Variants in BCAS1 observed in about 807,000 individuals in gnomAD.
BCAS1 encodes brain enriched myelin associated protein 1.
A neutral mutation model predicts 65.4 loss-of-function variants in BCAS1; 46 were observed. The ratio of observed to expected loss-of-function variants is 0.70; its 90% CI spans 0.55 to 0.90. The LOEUF is 0.90. Among genes scored for constraint, BCAS1 ranks in the 40% least tolerant of loss-of-function variants. BCAS1 has a pLI of 0.00. For synonymous variants in BCAS1, 298 were observed against 293.5 expected (o/e 1.02, Z -0.16); for missense variants, 793 against 771.2 (o/e 1.03, Z -0.33).
At chr20:54,012,429 G>T (rs955199417) in intron 4 of BCAS1, among the ~76,000 whole-genome samples, 1 of 149,298 alleles carries the variant, frequency 6.7e-6, no homozygotes, top group African/African-American at 2.5e-5. Context: ...ATTTCTTACA[G>T]CTGCATGTGA....
At chr20:54,026,363 C>T (rs1202594038) in intron 4 of BCAS1, among the ~76,000 whole-genome samples, 1 of 152,198 alleles carries the variant, frequency 6.6e-6, no homozygotes, top group African/African-American at 2.4e-5. Flanking sequence ...GTTAATAAAT[C>T]ACAACTCCAA....
chr20:53,959,957 C>T (rs6013850), intron 10 of BCAS1, among the ~76,000 whole-genome samples: 1 of 152,182 alleles, frequency 6.6e-6, no homozygotes, highest in Admixed American at 6.5e-5. Context: ...CTCTGTCAGC[C>T]TTCCCATCAC....
chr20:54,036,027 G>C (rs2091893983), intron 3 of BCAS1, among the ~76,000 whole-genome samples: 1 of 151,176 alleles, frequency 6.6e-6, no homozygotes, highest in Admixed American at 6.6e-5. Context: ...CACACAGGGG[G>C]AACAACACAC....
intron 11 of BCAS1, 68 bp from the exon 12 acceptor site, chr20:53,953,763 A>C (rs1439769577): frequency 6.6e-7 from 1 of 1,516,978 alleles, no homozygotes; most frequent in East Asian, 2.3e-5. Flanking sequence ...AAGGGAATAA[A>C]TATGTTAAAA....
intron 3 of BCAS1, among the ~76,000 whole-genome samples, chr20:54,036,410 G>C (rs928929170): frequency 2.0e-5 from 3 of 151,352 alleles, no homozygotes; most frequent in Non-Finnish European, 4.4e-5. Context: ...AATATTTTGT[G>C]CTGCATGTTT....
At chr20:54,050,706 C>T (rs772087499) in intron 3 of BCAS1, among the ~76,000 whole-genome samples, 14 of 152,196 alleles carry the variant, frequency 9.2e-5, no homozygotes, top group Admixed American at 6.5e-4. Context: ...TTGCCCTGGC[C>T]GTCCACGCTC....
At chr20:54,026,506 C>T (rs158548) in intron 4 of BCAS1, among the ~76,000 whole-genome samples, 89,993 of 152,026 alleles carry the variant, frequency 0.59, 26,794 homozygotes, top group South Asian at 0.62. Flanking sequence ...GATGAGTCAC[C>T]GGACACCTGT....
intron 12 of BCAS1, among the ~76,000 whole-genome samples, chr20:53,951,845 C>T (rs546177266): frequency 6.6e-6 from 1 of 152,310 alleles, no homozygotes; most frequent in South Asian, 2.1e-4. Context: ...TTGAAGACTG[C>T]ACTACACCCA....
intron 4 of BCAS1, among the ~76,000 whole-genome samples, chr20:54,016,519 C>T (rs796535559): frequency 3.9e-5 from 6 of 152,298 alleles, no homozygotes; most frequent in African/African-American, 1.2e-4. Flanking sequence ...ACTATAGTCA[C>T]CCTCCTGACC....
At chr20:54,031,779 T>C (rs973926683) in intron 3 of BCAS1, among the ~76,000 whole-genome samples, 1 of 151,218 alleles carries the variant, frequency 6.6e-6, no homozygotes, top group Admixed American at 6.6e-5. Context: ...CTCAGTGACT[T>C]TGAGAGAATT....
At chr20:53,966,238 C>T (rs1251474749) in intron 10 of BCAS1, among the ~76,000 whole-genome samples, 1 of 152,200 alleles carries the variant, frequency 6.6e-6, no homozygotes. Context: ...AAGTGCCCAT[C>T]AACCAATGAG....
chr20:54,034,383 C>A (rs1336085261), intron 3 of BCAS1, among the ~76,000 whole-genome samples: 1 of 151,164 alleles, frequency 6.6e-6, no homozygotes, highest in Non-Finnish European at 1.5e-5. Context: ...TCTAGAAAAC[C>A]CCATAGTCTC....
intron 12 of BCAS1, among the ~76,000 whole-genome samples, chr20:53,945,554 AC>A (rs1417157664): frequency 6.6e-6 from 1 of 151,220 alleles, no homozygotes; most frequent in African/African-American, 2.4e-5. Flanking sequence ...CCTTCCCCCA[AC>A]CCCCCATCCC....
chr20:54,031,051 A>G (rs2091789323), intron 3 of BCAS1, among the ~76,000 whole-genome samples: 2 of 151,338 alleles, frequency 1.3e-5, no homozygotes, highest in Admixed American at 1.3e-4. Context: ...AAATGCTAAG[A>G]TTCAAAACAG....
At chr20:54,001,916 C>T (rs958030591) in intron 4 of BCAS1, among the ~76,000 whole-genome samples, 6 of 152,120 alleles carry the variant, frequency 3.9e-5, no homozygotes, top group African/African-American at 1.4e-4. Flanking sequence ...AATATTTTCT[C>T]GCTAATGAGG....
At chr20:54,037,534 G>T (rs944781686) in intron 3 of BCAS1, among the ~76,000 whole-genome samples, 2 of 151,514 alleles carry the variant, frequency 1.3e-5, no homozygotes, top group African/African-American at 2.4e-5. Flanking sequence ...ATAAATGTGT[G>T]TAACAAGAGG....
At chr20:53,957,666 C>G (rs917646051) in intron 10 of BCAS1, among the ~76,000 whole-genome samples, 169 bp from the exon 11 acceptor site, 1 of 152,204 alleles carries the variant, frequency 6.6e-6, no homozygotes, top group Non-Finnish European at 1.5e-5. Flanking sequence ...GATTTCCATG[C>G]AATTTCTAAC....
Position 54,028,957 on chromosome 20 carries a change from C to T in BCAS1, c.158G>A (p.Ser53Asn), listed in dbSNP as rs371937753. Residue 53 changes from serine (S) to asparagine (N), a missense_variant, in exon 4 of 13, where the codon AGT becomes AAT. Coordinates refer to ENST00000688948, the MANE Select transcript of BCAS1 (RefSeq NM_001366298.2). The part of the protein sequence containing the change: ...QHLEEVDLGI[S>N]VKTDNVATSS... Reference sequence around the variant, plus strand: ...AGTGGCCACATTATCCGTCTTGACACTTATTCCCAAGTCGACTGTAAACAC... The same window carrying T: ...AGTGGCCACATTATCCGTCTTGACATTTATTCCCAAGTCGACTGTAAACAC... The T allele has an allele frequency of 1.9e-6, 3 of 1,608,780 alleles. No individual in the cohort carries two copies. Among genetic ancestry groups the T allele is most frequent in the African/African-American group, 1.3e-5 (1 of 74,620 alleles).
At chr20:54,049,263 A>C (rs926056144) in intron 3 of BCAS1, among the ~76,000 whole-genome samples, 3 of 152,210 alleles carry the variant, frequency 2.0e-5, no homozygotes, top group African/African-American at 7.2e-5. Context: ...AATGACTAGG[A>C]GCAAAAAAGG....
Sources: gnomAD v4.1 joint callset for allele counts (sites outside exome capture counted in the v4.1 genomes callset) on GRCh38, gnomAD v4.1.1 for gene constraint, MANE v1.5 for transcripts, NCBI Gene and HGNC (gene_info 2026-07-23, HGNC 2026-07-21) for gene names.